Variants in NPTXR observed in about 807,000 individuals in gnomAD.
NPTXR encodes neuronal pentraxin receptor.
In NPTXR, 12 loss-of-function variants were observed where a neutral mutation model predicts 32.2. That is an observed-to-expected ratio of 0.37 (90% CI 0.24 to 0.60). The LOEUF (loss-of-function observed/expected upper bound fraction) is 0.60. NPTXR is among the 20% of genes least tolerant of loss of function. The pLI, the probability that NPTXR is intolerant of heterozygous loss-of-function variation, is 0.66. For missense variants in NPTXR, 612 were observed against 682.9 expected, an observed-to-expected ratio of 0.90 and a Z score of 1.16; for synonymous variants, 323 against 315.8, an observed-to-expected ratio of 1.02 and a Z score of -0.24.
intron 3 of NPTXR, among the ~76,000 whole-genome samples, chr22:38,823,588 G>A (rs1282808017): frequency 6.6e-6 from 1 of 152,344 alleles, no homozygotes; most frequent in East Asian, 1.9e-4. Flanking sequence ...ACCTCACACA[G>A]CACTCAGCAC....
rs537575374 is a variant in NPTXR at position 38,822,557 on chromosome 22, C to G, written c.*52G>C. 7.8e-6 allele frequency: 12 copies of G among 1,531,046 alleles called. No individual in the cohort carries two copies. The highest frequency in any genetic ancestry group is 2.7e-5 in the African/African-American group (2 of 73,010). The allele number at this position is 1,531,046 out of a possible 1,614,324, so 94.8% of individuals were successfully genotyped here. On this transcript the variant is annotated 3_prime_UTR_variant, in exon 5 of 5. Transcript: ENST00000333039. ...AGGCTGAGGAGGGAATATGACCCCC[C>G]TCAAGTCCCCAAAGTGGCAGGCAAG...
At chr22:38,829,444 G>A (rs2093112752) in intron 1 of NPTXR, among the ~76,000 whole-genome samples, 1 of 152,186 alleles carries the variant, frequency 6.6e-6, no homozygotes, top group Non-Finnish European at 1.5e-5. Flanking sequence ...GTGGAGGAAC[G>A]CAGGTGAGGC....
At chr22:38,835,499 G>A (rs2093122639) in intron 1 of NPTXR, among the ~76,000 whole-genome samples, 2 of 152,324 alleles carry the variant, frequency 1.3e-5, no homozygotes, top group Admixed American at 1.3e-4. Flanking sequence ...GGATGAGGAA[G>A]AGGGAGCAGG....
rs34537466 is a variant in NPTXR, at chr22:38,828,378, A to G, written c.759T>C (p.Arg253=). 2.3e-3 allele frequency: 3,666 copies of G among 1,612,860 alleles called. 64 individuals are homozygous for G. The African/African-American group carries it at 0.041, about 18-fold the overall frequency. Residue 253 remains arginine, a synonymous_variant, in exon 2 of 5, where the codon CGT becomes CGC. Coordinates refer to ENST00000333039, the MANE Select transcript of NPTXR (RefSeq NM_014293.4). ...GGCGGCTGCTGTGGCTGAGGGCCACACGCTCCTTCTCCAGTGCCAGCACCT... is the reference window on the plus strand; with the variant it reads ...GGCGGCTGCTGTGGCTGAGGGCCACGCGCTCCTTCTCCAGTGCCAGCACCT...
In NPTXR at chr22:38,822,756, G is replaced by A; in HGVS notation, c.1356C>T (p.Ala452=). ...TGCCCAGGACCTGGGCTGGTGTCAG[G>A]GCGTGGTCCCACAGGTTAAACTGGG... Residue 452 remains alanine (A), a synonymous_variant, in exon 5 of 5, where the codon GCC becomes GCT. Transcript: ENST00000333039. 4 of 1,614,184 alleles carry A rather than the reference G, an allele frequency of 2.5e-6. No individual in the cohort carries two copies. Among genetic ancestry groups the A allele is most frequent in the Non-Finnish European group, 3.4e-6 (4 of 1,180,020 alleles).
At chr22:38,830,814 G>A (rs1459443450) in intron 1 of NPTXR, among the ~76,000 whole-genome samples, 4 of 152,096 alleles carry the variant, frequency 2.6e-5, no homozygotes, top group African/African-American at 7.2e-5. Context: ...CACTGTGGTC[G>A]TCCAGGCTGG....
At position 38,823,114 on chromosome 22, in the gene NPTXR, G is replaced by C. The variant is rs1169547911; in HGVS notation, c.1247C>G (p.Pro416Arg). ...CTGGCCCAAGATAAGGATCCCATGA[G>C]GCTTGATGGGGTGCCAGGCAGCCAG... The change falls in exon 4 of 5, where the codon CCT becomes CGT. Residue 416 changes from proline (P) to arginine (R), a missense_variant. Transcript: ENST00000333039. 4.3e-6 allele frequency: 7 copies of C among 1,614,144 alleles called. No homozygotes were observed. Among genetic ancestry groups the C allele is most frequent in the Non-Finnish European group, 5.9e-6 (7 of 1,180,028 alleles).
Position 38,843,117 on chromosome 22 carries a change from G to T in NPTXR, c.624+118C>A. ...TCCCCCCGCCTCGCCAGCGAGGAAG[G>T]CGCGATCGTCCCCGGAACACAGACG... On this transcript the variant is annotated intron_variant, in intron 1 of 4. Coordinates refer to ENST00000333039, the MANE Select transcript of NPTXR (RefSeq NM_014293.4). This position sits in a 1 kb window ranked among gnomAD's most constrained non-coding sequence, Gnocchi z 5.3. 9.6e-7 allele frequency: 1 copy of T among 1,037,720 alleles called. No homozygotes were observed. The highest frequency in any genetic ancestry group is 1.2e-6 in the Non-Finnish European group (1 of 813,856). 64.3% of individuals were successfully genotyped at this position (1,037,720 alleles called of 1,614,324 possible).
At position 38,820,449 on chromosome 22, in the gene NPTXR, G is replaced by C. The variant is rs527960447; in HGVS notation, c.*2160C>G. On this transcript the variant is annotated 3_prime_UTR_variant, in exon 5 of 5. Coordinates refer to ENST00000333039, the MANE Select transcript of NPTXR (RefSeq NM_014293.4). ...GTGGAGATAGGGAACAAAAAGGCAG[G>C]CAAAAGGTACAGTGCCCACTTGAGC... The C allele has an allele frequency of 6.6e-6, 1 of 152,256 alleles. No homozygotes were observed. The highest frequency in any genetic ancestry group is 1.5e-5 in the Non-Finnish European group (1 of 68,062). The allele number at this position is 152,256 out of a possible 1,614,324, so 9.4% of individuals were successfully genotyped here.
In NPTXR at chr22:38,820,104, C is replaced by A. The variant is rs1367858770; in HGVS notation, c.*2505G>T. 3 of 152,570 alleles carry A rather than the reference C, an allele frequency of 2.0e-5. No individual in the cohort carries two copies. Among genetic ancestry groups the A allele is most frequent in the Non-Finnish European group, 4.4e-5 (3 of 68,034 alleles). 9.5% of individuals were successfully genotyped at this position (152,570 alleles called of 1,614,324 possible). On this transcript the variant is annotated 3_prime_UTR_variant, in exon 5 of 5. Coordinates refer to ENST00000333039, the MANE Select transcript of NPTXR (RefSeq NM_014293.4). ...AATAACAGAAACACATCAAGCTTGG[C>A]GTCACTGAAATTGAAGTTCTGAATT...
chr22:38,838,433 G>C (rs2093127284), intron 1 of NPTXR, among the ~76,000 whole-genome samples: 1 of 152,196 alleles, frequency 6.6e-6, no homozygotes, highest in South Asian at 2.1e-4. Context: ...CAGCAGTGAA[G>C]GTCTTGCAGC....
intron 1 of NPTXR, among the ~76,000 whole-genome samples, chr22:38,829,006 C>T (rs2093112033): frequency 6.6e-6 from 1 of 152,248 alleles, no homozygotes; most frequent in African/African-American, 2.4e-5. Context: ...GAAACAGGGA[C>T]TTCTGGAGCA....
chr22:38,840,273 G>A (rs5750686), intron 1 of NPTXR, among the ~76,000 whole-genome samples: 57,350 of 151,850 alleles, frequency 0.38, 11,083 homozygotes, highest in East Asian at 0.66. Flanking sequence ...CCTGAGAGGA[G>A]GTGTACTTGG....
In NPTXR at chr22:38,826,551, A is replaced by T. The variant is rs1198010551; in HGVS notation, c.1047T>A (p.Ile349=). 1 of 1,614,020 alleles carries T rather than the reference A, an allele frequency of 6.2e-7. No homozygotes were observed. The highest frequency in any genetic ancestry group is 1.3e-5 in the African/African-American group (1 of 75,040). Residue 349 remains isoleucine (I), a synonymous_variant, in exon 3 of 5, where the codon ATT becomes ATA. Transcript: ENST00000333039. ...GCTCATGGCCCGCCTCTAGCAGTAC[A>T]ATCTCGTTGGCCTGCCCGGGCACTG... is the stretch of plus-strand genomic sequence containing the variant.
rs933875633 is a variant in NPTXR, at chr22:38,819,946, C to T, written c.*2663G>A. 3.3e-5 allele frequency: 5 copies of T among 152,640 alleles called. No individual in the cohort carries two copies. The highest frequency in any genetic ancestry group is 7.3e-5 in the Non-Finnish European group (5 of 68,062). 9.5% of individuals were successfully genotyped at this position (152,640 alleles called of 1,614,324 possible). On this transcript the variant is annotated 3_prime_UTR_variant, in exon 5 of 5. Coordinates refer to ENST00000333039, the MANE Select transcript of NPTXR (RefSeq NM_014293.4). ...GCTTGGACGTCAGAGGTCTCATCTT[C>T]ACTGTGACAAAGCATAAAGGACTTG... is the stretch of plus-strand genomic sequence containing the variant.
intron 1 of NPTXR, among the ~76,000 whole-genome samples, chr22:38,830,558 G>A (rs1230801088): frequency 6.6e-6 from 1 of 152,160 alleles, no homozygotes; most frequent in Non-Finnish European, 1.5e-5. Context: ...AGTCTGGCTC[G>A]CCCGCCCCCT....
chr22:38,834,733 C>T lies in NPTXR; in HGVS notation c.625-6221G>A, dbSNP rs961415211. On this transcript the variant is annotated intron_variant, in intron 1 of 4. Coordinates refer to ENST00000333039, the MANE Select transcript of NPTXR (RefSeq NM_014293.4). This position sits in a 1 kb window ranked among gnomAD's most constrained non-coding sequence, Gnocchi z 4.4. ...TTCAGTTCCTTGCTTACTAGATCTG[C>T]GACCTTGGGCAAGCTGCTTAACTCC... Among the ~76,000 whole-genome samples, 7 of 152,058 alleles carry T rather than the reference C, an allele frequency of 4.6e-5. No homozygotes were observed. Among genetic ancestry groups the T allele is most frequent in the Non-Finnish European group, 1.0e-4 (7 of 68,020 alleles).
intron 1 of NPTXR, among the ~76,000 whole-genome samples, chr22:38,832,292 C>T (rs963640119): frequency 6.6e-6 from 1 of 152,188 alleles, no homozygotes; most frequent in African/African-American, 2.4e-5. Context: ...GGCTGTGCCG[C>T]GTGGGCTCCC....
intron 3 of NPTXR, 86 bp from the exon 4 acceptor site, chr22:38,823,348 C>T: frequency 7.7e-7 from 1 of 1,291,808 alleles, no homozygotes; most frequent in Non-Finnish European, 1.1e-6. Context: ...GCTGGGGAGA[C>T]CCATGTCCAT....
Sources: gnomAD v4.1 joint callset for allele counts (sites outside exome capture counted in the v4.1 genomes callset) on GRCh38, gnomAD v4.1.1 for gene constraint, Gnocchi (gnomAD v3.1) non-coding constraint, MANE v1.5 for transcripts, NCBI Gene and HGNC (gene_info 2026-07-23, HGNC 2026-07-21) for gene names.